The following SNTB1 variants were observed in gnomAD, a reference collection of about 807,000 sequenced individuals.
SNTB1 encodes the protein syntrophin beta 1.
A neutral mutation model predicts 48.9 loss-of-function variants in SNTB1; 36 were observed. That is an observed-to-expected ratio of 0.74 (90% CI 0.56 to 0.97). The LOEUF is 0.97. Among genes scored for constraint, SNTB1 ranks in the 50% least tolerant of loss-of-function variants. The pLI is 0.00. For synonymous variants in SNTB1, 299 were observed against 294.6 expected (o/e 1.01, Z -0.15); for missense variants, 786 against 703.4 (o/e 1.12, Z -1.33).
chr8:120,693,562 G>GC, intron 2 of SNTB1, 130 bp downstream of exon 2: 1 of 744,292 alleles, frequency 1.3e-6, no homozygotes, highest in Admixed American at 2.4e-5. Context: ...TCTCAGCATG[G>GC]CCCTTTCATG....
At chr8:120,752,594 C>T (rs1819239160) in intron 1 of SNTB1, among the ~76,000 whole-genome samples, 1 of 152,052 alleles carries the variant, frequency 6.6e-6, no homozygotes, top group African/African-American at 2.4e-5. Context: ...AATGTTATTC[C>T]ATACACACTA....
chr8:120,732,312 G>T (rs544052743), intron 1 of SNTB1, among the ~76,000 whole-genome samples: 1 of 152,258 alleles, frequency 6.6e-6, no homozygotes, highest in Admixed American at 6.5e-5. Flanking sequence ...TAAAGTGAAG[G>T]TGTCCAAAAT....
chr8:120,584,892 C>T (rs772803884), intron 3 of SNTB1, among the ~76,000 whole-genome samples: 7 of 152,076 alleles, frequency 4.6e-5, no homozygotes, highest in African/African-American at 4.8e-5. Flanking sequence ...CAGGGTGATA[C>T]GTTTCCATGC....
At chr8:120,579,181 C>T (rs1464482106) in intron 3 of SNTB1, among the ~76,000 whole-genome samples, 1 of 44,542 alleles carries the variant, frequency 2.2e-5, no homozygotes, top group South Asian at 7.0e-4. Context: ...TGTCTCAAAA[C>T]AAACAAACAA....
In SNTB1 at chr8:120,811,687, C is replaced by T. The variant is rs761520132; in HGVS notation, c.157G>A (p.Gly53Ser). The stretch of plus-strand genomic sequence containing the variant: ...CCGATGCCGTTGTACGCCGCAGCGC[C>T]CTCCTCGCTGCTCAGAACCAGGGCG... ...EDALVLSSEE[G>S]AAAYNGIGTA... is the part of the protein sequence containing the mutation. The change falls in exon 1 of 7, where the codon GGC becomes AGC. Residue 53 changes from glycine to serine, a missense_variant. By Grantham distance (56) the Gly-to-Ser change is moderately conservative. Transcript: ENST00000517992. 7 of 1,589,644 alleles carry T rather than the reference C, an allele frequency of 4.4e-6. No individual in the cohort carries two copies. In the South Asian group the frequency reaches 6.8e-5, roughly 15 times the overall value.
At chr8:120,655,446 C>T (rs141129818) in intron 2 of SNTB1, among the ~76,000 whole-genome samples, 54 of 152,284 alleles carry the variant, frequency 3.5e-4, no homozygotes, top group South Asian at 6.2e-4. Flanking sequence ...TATCCTCACA[C>T]CATCCTATGA....
At position 120,565,494 on chromosome 8, in the gene SNTB1, C is replaced by CTGGAGCATTCGTGTGA; in HGVS notation, c.1136+9576_1136+9591dup. Among the ~76,000 whole-genome samples the CTGGAGCATTCGTGTGA allele has an allele frequency of 2.0e-5, 3 of 152,248 alleles. No homozygotes were observed. The South Asian group carries it at 6.2e-4, about 32-fold the overall frequency. On this transcript the variant is annotated intron_variant, in intron 4 of 6. Transcript: ENST00000517992. ...GTTGTCAGTTTCCAGAACCCACGCT[C>CTGGAGCATTCGTGTGA]TGGAGCATTCGTGTGATGGACACTA...
At chr8:120,744,290 C>T (rs1471560746) in intron 1 of SNTB1, among the ~76,000 whole-genome samples, 1 of 152,176 alleles carries the variant, frequency 6.6e-6, no homozygotes, top group Non-Finnish European at 1.5e-5. Context: ...ACTAGCACCT[C>T]TCCTTTCCTT....
chr8:120,571,489 T>G (rs1815847188), intron 4 of SNTB1: 21 of 58,264 alleles, frequency 3.6e-4, no homozygotes, highest in East Asian at 7.4e-4. Flanking sequence ...GTTTTTTTTT[T>G]TTTTTTTTTT....
intron 1 of SNTB1, among the ~76,000 whole-genome samples, chr8:120,737,370 G>A (rs908743001): frequency 1.3e-5 from 2 of 152,128 alleles, no homozygotes; most frequent in African/African-American, 4.8e-5. Flanking sequence ...AAGACAGCTA[G>A]ATATTTGTTC....
At chr8:120,774,419 T>A (rs1177569025) in intron 1 of SNTB1, among the ~76,000 whole-genome samples, 1 of 152,168 alleles carries the variant, frequency 6.6e-6, no homozygotes, top group Non-Finnish European at 1.5e-5. Flanking sequence ...ACAGAGCTTT[T>A]TAAGGAGGAG....
chr8:120,776,270 G>A (rs1819734925), intron 1 of SNTB1: 1 of 152,172 alleles, frequency 6.6e-6, no homozygotes, highest in Non-Finnish European at 1.5e-5. Context: ...CCTCTTTCAG[G>A]TCAGTTTCCT....
At chr8:120,758,971 A>C (rs1050311774) in intron 1 of SNTB1, among the ~76,000 whole-genome samples, 2 of 152,088 alleles carry the variant, frequency 1.3e-5, no homozygotes, top group Non-Finnish European at 2.9e-5. Context: ...GTGTCTTGCC[A>C]TGTTGCCTAG....
At chr8:120,666,706 A>AATACAC (rs1817677936) in intron 2 of SNTB1, among the ~76,000 whole-genome samples, 1 of 151,768 alleles carries the variant, frequency 6.6e-6, no homozygotes, top group Admixed American at 6.6e-5. Flanking sequence ...CCCTTTGTGG[A>AATACAC]CTCCAACTAC....
In SNTB1 at chr8:120,659,635, A is replaced by C. The variant is rs116601015; in HGVS notation, c.789-26984T>G. On this transcript the variant is annotated intron_variant, in intron 2 of 6. Coordinates refer to ENST00000517992, the MANE Select transcript of SNTB1 (RefSeq NM_021021.4). The stretch of plus-strand genomic sequence containing the variant: ...GGTATATCCTTTCCAGAAGGTTGTT[A>C]ATTTACTTTGCTCAGATCCATCACA... Among the ~76,000 whole-genome samples the C allele has an allele frequency of 3.4e-3, 520 of 152,328 alleles. 5 individuals are homozygous for C. The highest frequency in any genetic ancestry group is 0.012 in the African/African-American group (508 of 41,558).
intron 1 of SNTB1, among the ~76,000 whole-genome samples, chr8:120,724,682 A>T (rs373885063): frequency 6.6e-6 from 1 of 152,188 alleles, no homozygotes; most frequent in East Asian, 1.9e-4. Flanking sequence ...AAAGCCAGAT[A>T]AGAAAGATGA....
chr8:120,670,234 G>A lies in SNTB1; in HGVS notation c.788+23458C>T, dbSNP rs191402476. 4.7e-3 allele frequency among the ~76,000 whole-genome samples: 718 copies of A among 152,332 alleles called. 3 individuals carry two copies. The highest frequency in any genetic ancestry group is 7.2e-3 in the Non-Finnish European group (489 of 68,034). On this transcript the variant is annotated intron_variant, in intron 2 of 6. Transcript: ENST00000517992. The stretch of plus-strand genomic sequence containing the variant: ...CTTTCTTTCCCATAAGCCATACAAT[G>A]TGGTTAGGGTAGCTTTGGAAGGGGT...
At chr8:120,792,186 T>C (rs555320227) in intron 1 of SNTB1, among the ~76,000 whole-genome samples, 2 of 151,304 alleles carry the variant, frequency 1.3e-5, no homozygotes, top group African/African-American at 2.4e-5. Context: ...AAGAACAAAA[T>C]AATGTCATTT....
At chr8:120,796,730 C>T (rs184221398) in intron 1 of SNTB1, among the ~76,000 whole-genome samples, 81 of 152,130 alleles carry the variant, frequency 5.3e-4, no homozygotes, top group African/African-American at 1.8e-3. Flanking sequence ...CCACTTTCCG[C>T]CCTGGCTCTG....
Sources: gnomAD v4.1 joint callset for allele counts (sites outside exome capture counted in the v4.1 genomes callset) on GRCh38, gnomAD v4.1.1 for gene constraint, MANE v1.5 for transcripts, NCBI Gene and HGNC (gene_info 2026-07-23, HGNC 2026-07-21) for gene names.